Variants in DCLRE1C observed in about 807,000 individuals in gnomAD.
DCLRE1C encodes DNA cross-link repair 1C, also known as protein artemis.
DCLRE1C carries 47 observed loss-of-function variants against 61.4 expected under a neutral mutation model. That is an observed-to-expected ratio of 0.77 (90% CI 0.61 to 0.98). The LOEUF (loss-of-function observed/expected upper bound fraction) is 0.98. Ranked by LOEUF, DCLRE1C falls within the 50% of genes least tolerant of loss-of-function variation. The pLI, the probability that DCLRE1C is intolerant of heterozygous loss-of-function variation, is 0.00. For missense variants in DCLRE1C, 858 were observed against 816.0 expected, an observed-to-expected ratio of 1.05 and a Z score of -0.63; for synonymous variants, 337 against 287.6, an observed-to-expected ratio of 1.17 and a Z score of -1.74.
intron 3 of DCLRE1C, among the ~76,000 whole-genome samples, chr10:14,941,893 T>C (rs1840915890): frequency 6.6e-6 from 1 of 152,194 alleles, no homozygotes; most frequent in Admixed American, 6.5e-5. Context: ...AGGGGCATGT[T>C]AAGCTCTTCA....
At position 14,908,721 on chromosome 10, in the gene DCLRE1C, G is replaced by A. The variant is rs1159158716; in HGVS notation, c.1766C>T (p.Ser589Phe). 1 of 1,614,200 alleles carries A rather than the reference G, an allele frequency of 6.2e-7. No homozygotes were observed. The highest frequency in any genetic ancestry group is 1.7e-5 in the Admixed American group (1 of 60,018). The change falls in exon 14 of 14, where the codon TCT becomes TTT. Residue 589 changes from serine to phenylalanine, a missense_variant. By Grantham distance (155) the Ser-to-Phe change is radical. Coordinates refer to ENST00000378278, the MANE Select transcript of DCLRE1C (RefSeq NM_001033855.3). ...GCAAATTACATTTTGTTCCATGAGA[G>A]AGGCAGGAATATTCTCTTTGATTGT... Reference protein sequence around the residue: ...RPTIKENIPASLMEQNVICPK... With the variant: ...RPTIKENIPAFLMEQNVICPK...
chr10:14,926,304 G>A (rs1041170108), intron 11 of DCLRE1C, among the ~76,000 whole-genome samples: 1 of 152,134 alleles, frequency 6.6e-6, no homozygotes, highest in African/African-American at 2.4e-5. Flanking sequence ...CAAAAGCACT[G>A]TAAATATTGA....
chr10:14,932,993 T>C, intron 8 of DCLRE1C, 38 bp from the exon 9 acceptor site: 2 of 1,603,022 alleles, frequency 1.2e-6, no homozygotes, highest in African/African-American at 1.3e-5. Flanking sequence ...TTATGTGAAA[T>C]GTATTTCCTA....
chr10:14,909,883 C>A (rs1834960118), intron 13 of DCLRE1C, among the ~76,000 whole-genome samples: 1 of 152,186 alleles, frequency 6.6e-6, no homozygotes. Flanking sequence ...AAGCAAAATA[C>A]TGAATAATCA....
chr10:14,917,486 TAAAAAA>T (rs113114583), intron 13 of DCLRE1C, among the ~76,000 whole-genome samples: 1 of 141,078 alleles, frequency 7.1e-6, no homozygotes, highest in African/African-American at 2.6e-5. Flanking sequence ...CTGATATATT[TAAAAAA>T]AAAAAACAAA....
Position 14,922,986 on chromosome 10 carries a change from G to A in DCLRE1C, c.1056C>T (p.Val352=), listed in dbSNP as rs765407675. ...CACAACCAGTGACTACTCACATTTC[G>A]ACAACTTTATCCATAGTTGTGCCAA... The part of the protein sequence containing the change: ...IPVGTTMDKV[V]EILKPLCRSS... Residue 352 remains valine (V), a synonymous_variant, in exon 12 of 14, where the codon GTC becomes GTT. Coordinates refer to ENST00000378278, the MANE Select transcript of DCLRE1C (RefSeq NM_001033855.3). 11 of 1,613,092 alleles carry A rather than the reference G, an allele frequency of 6.8e-6. No individual in the cohort carries two copies. The highest frequency in any genetic ancestry group is 2.2e-5 in the South Asian group (2 of 91,036).
chr10:14,910,569 G>C (rs181438960), intron 13 of DCLRE1C, among the ~76,000 whole-genome samples: 8 of 152,216 alleles, frequency 5.3e-5, no homozygotes, highest in Middle Eastern at 3.4e-3. Context: ...GCTGGAATTA[G>C]AGGCATGAGC....
rs990604441 is a variant in DCLRE1C, at chr10:14,907,476, A to G, written c.*932T>C. Among the ~76,000 whole-genome samples the G allele has an allele frequency of 2.6e-5, 4 of 152,064 alleles. No individual in the cohort carries two copies. The highest frequency in any genetic ancestry group is 5.9e-5 in the Non-Finnish European group (4 of 68,016). On this transcript the variant is annotated 3_prime_UTR_variant, in exon 14 of 14. Coordinates refer to ENST00000378278, the MANE Select transcript of DCLRE1C (RefSeq NM_001033855.3). ...TCTATATTCTTACTGATTAATGTGT[A>G]TATACTAGTTCTGTTACTAAGGAGG...
chr10:14,928,321 T>C (rs1490082983), intron 9 of DCLRE1C, among the ~76,000 whole-genome samples, 169 bp from the exon 10 acceptor site: 2 of 151,254 alleles, frequency 1.3e-5, no homozygotes, highest in African/African-American at 2.4e-5. Flanking sequence ...TAATTCCAAA[T>C]TGGGGAATAT....
At chr10:14,899,945 A>T (rs926846454), downstream of DCLRE1C, among the ~76,000 whole-genome samples, 6 of 152,218 alleles carry the variant, frequency 3.9e-5, no homozygotes, top group African/African-American at 1.4e-4. Context: ...ACTTTCTAGT[A>T]ACTTTGTACG....
At chr10:14,939,155 G>A (rs41297002) in intron 4 of DCLRE1C, among the ~76,000 whole-genome samples, 4,696 of 152,242 alleles carry the variant, frequency 0.031, 225 homozygotes, top group African/African-American at 0.1. Context: ...ACCAGGAAGT[G>A]GCCAGGCACA....
chr10:14,917,899 G>A (rs1373743698), intron 13 of DCLRE1C, among the ~76,000 whole-genome samples: 1 of 152,118 alleles, frequency 6.6e-6, no homozygotes, highest in South Asian at 2.1e-4. Flanking sequence ...TGGCAAATAC[G>A]CACATTAAAA....
At chr10:14,931,664 T>C (rs900896920) in intron 9 of DCLRE1C, among the ~76,000 whole-genome samples, 4 of 152,108 alleles carry the variant, frequency 2.6e-5, no homozygotes, top group African/African-American at 9.7e-5. Flanking sequence ...TGAAACTATT[T>C]TAAAGTGTGA....
chr10:14,946,951 C>T (rs1007991383), intron 2 of DCLRE1C, among the ~76,000 whole-genome samples: 5 of 152,238 alleles, frequency 3.3e-5, no homozygotes, highest in African/African-American at 1.2e-4. Flanking sequence ...ATGCCGCACG[C>T]CTGTAATCCC....
chr10:14,926,534 G>A (rs1053567973), intron 11 of DCLRE1C, among the ~76,000 whole-genome samples: 1 of 151,754 alleles, frequency 6.6e-6, no homozygotes, highest in Non-Finnish European at 1.5e-5. Context: ...GGCACCTGTA[G>A]TCCCAGCTAT....
chr10:14,920,538 G>T, intron 12 of DCLRE1C: 1 of 416,786 alleles, frequency 2.4e-6, no homozygotes, highest in Non-Finnish European at 3.2e-6. Context: ...TGTTCCCACA[G>T]CTGTTCTCTG....
chr10:14,923,750 T>C (rs1421846078), intron 11 of DCLRE1C: 1 of 153,168 alleles, frequency 6.5e-6, no homozygotes, highest in Non-Finnish European at 1.5e-5. Context: ...TTCATTCTCA[T>C]TGGGCAGAAC....
chr10:14,953,010 C>T (rs1008296858), intron 1 of DCLRE1C, among the ~76,000 whole-genome samples: 4 of 152,198 alleles, frequency 2.6e-5, no homozygotes, highest in East Asian at 1.9e-4. Context: ...AGGTTTGTTA[C>T]GCTGATTGAC....
intron 11 of DCLRE1C, among the ~76,000 whole-genome samples, chr10:14,925,225 T>TAAAAAAAAAAA (rs67477083): frequency 9.1e-6 from 1 of 109,328 alleles, no homozygotes; most frequent in African/African-American, 3.6e-5. Flanking sequence ...ATAAAGGATT[T>TAAAAAAAAAAA]AAAAAAAAAA....
Sources: allele counts gnomAD v4.1 joint callset (sites outside exome capture counted in the v4.1 genomes callset), GRCh38; gene constraint gnomAD v4.1.1; transcripts MANE v1.5; gene names NCBI Gene and HGNC (gene_info 2026-07-23, HGNC 2026-07-21).